Variants in ZNF804B observed in about 807,000 individuals in gnomAD.
The protein encoded by ZNF804B is zinc finger protein 804B, also known as zinc finger 804B.
A neutral mutation model predicts 101.4 loss-of-function variants in ZNF804B; 80 were observed. The ratio of observed to expected loss-of-function variants is 0.79; its 90% confidence interval spans 0.66 to 0.95. ZNF804B has a LOEUF of 0.95. Among genes scored for constraint, ZNF804B ranks in the 40% least tolerant of loss-of-function variants. ZNF804B has a pLI of 0.00. For synonymous variants in ZNF804B, 622 were observed against 558.8 expected, an observed-to-expected ratio of 1.11 and a Z score of -1.59; for missense variants, 1,673 against 1,561.9, an observed-to-expected ratio of 1.07 and a Z score of -1.20.
chr7:88,902,223 A>G (rs1792402545), intron 1 of ZNF804B, among the ~76,000 whole-genome samples: 1 of 151,990 alleles, frequency 6.6e-6, no homozygotes, highest in African/African-American at 2.4e-5. Context: ...CATGACTATT[A>G]GAATCAATTT....
intron 2 of ZNF804B, among the ~76,000 whole-genome samples, chr7:89,286,024 G>A (rs1268840736): frequency 1.3e-5 from 2 of 152,172 alleles, no homozygotes; most frequent in East Asian, 1.9e-4. Context: ...GGTTCAATCA[G>A]TGTTTTCTCC....
chr7:88,897,071 C>T (rs973089781), intron 1 of ZNF804B, among the ~76,000 whole-genome samples: 4 of 152,138 alleles, frequency 2.6e-5, no homozygotes, highest in African/African-American at 9.7e-5. Context: ...ATTACTCTTA[C>T]TGTACATAAA....
intron 2 of ZNF804B, among the ~76,000 whole-genome samples, chr7:89,325,558 C>CA (rs1790884828): frequency 6.6e-6 from 1 of 152,056 alleles, no homozygotes; most frequent in East Asian, 1.9e-4. Flanking sequence ...ACAGAATTCT[C>CA]AATCATTTCT....
chr7:88,982,636 T>A (rs1484389643), intron 1 of ZNF804B, among the ~76,000 whole-genome samples: 1 of 152,096 alleles, frequency 6.6e-6, no homozygotes, highest in Non-Finnish European at 1.5e-5. Context: ...AGCCCACCCA[T>A]GAGACCTTAT....
At chr7:89,005,680 T>C (rs1375957487) in intron 1 of ZNF804B, among the ~76,000 whole-genome samples, 2 of 152,226 alleles carry the variant, frequency 1.3e-5, no homozygotes, top group Middle Eastern at 3.4e-3. Context: ...CAAAATCTGA[T>C]AATCAATAGT....
At chr7:89,143,763 T>C (rs1790749639) in intron 1 of ZNF804B, among the ~76,000 whole-genome samples, 1 of 152,044 alleles carries the variant, frequency 6.6e-6, no homozygotes, top group African/African-American at 2.4e-5. Context: ...TAGATTCTGT[T>C]CAGAAATGCT....
chr7:88,875,918 A>C (rs4015686), intron 1 of ZNF804B, among the ~76,000 whole-genome samples: 28,397 of 152,180 alleles, frequency 0.19, 2,849 homozygotes, highest in African/African-American at 0.28. Context: ...TAAATAAAAT[A>C]CTGGCAAACC....
chr7:89,203,253 A>G (rs1788672154), intron 1 of ZNF804B, among the ~76,000 whole-genome samples: 1 of 152,172 alleles, frequency 6.6e-6, no homozygotes, highest in Admixed American at 6.5e-5. Context: ...TTTCCAGATA[A>G]TTAGGCTTTC....
At chr7:88,915,015 T>A (rs572812971) in intron 1 of ZNF804B, among the ~76,000 whole-genome samples, 4 of 152,264 alleles carry the variant, frequency 2.6e-5, no homozygotes, top group African/African-American at 9.6e-5. Context: ...TATAGCACAT[T>A]ATCTCTTCCC....
intron 1 of ZNF804B, among the ~76,000 whole-genome samples, chr7:89,010,955 C>T (rs772683210): frequency 6.6e-6 from 1 of 152,098 alleles, no homozygotes; most frequent in Non-Finnish European, 1.5e-5. Flanking sequence ...TTGATTGACT[C>T]CAAATAAAAT....
chr7:89,282,699 T>C (rs542009269), intron 2 of ZNF804B, among the ~76,000 whole-genome samples: 9 of 152,290 alleles, frequency 5.9e-5, no homozygotes, highest in African/African-American at 2.2e-4. Flanking sequence ...AAGTAAAATA[T>C]GTCCTTATAA....
intron 1 of ZNF804B, among the ~76,000 whole-genome samples, chr7:88,928,127 T>C (rs1419423971): frequency 6.6e-6 from 1 of 152,134 alleles, no homozygotes; most frequent in Admixed American, 6.6e-5. Flanking sequence ...TTCTTTCTTG[T>C]AGAATACTGT....
At chr7:88,760,266 A>G (rs1789875444) in intron 1 of ZNF804B, among the ~76,000 whole-genome samples, 182 bp downstream of exon 1, 1 of 152,256 alleles carries the variant, frequency 6.6e-6, no homozygotes, top group Non-Finnish European at 1.5e-5. Flanking sequence ...ACTGTGACAC[A>G]GAGAGGGGTG....
intron 1 of ZNF804B, among the ~76,000 whole-genome samples, chr7:89,061,192 G>A (rs1035388594): frequency 6.6e-6 from 1 of 152,002 alleles, no homozygotes; most frequent in African/African-American, 2.4e-5. Flanking sequence ...GGTTAATGTA[G>A]CCTATAAAGT....
chr7:89,330,799 G>T (rs1419954426), intron 3 of ZNF804B, among the ~76,000 whole-genome samples: 2 of 150,974 alleles, frequency 1.3e-5, no homozygotes, highest in East Asian at 1.9e-4. Flanking sequence ...AGAAGCTAGA[G>T]AACATTGTAT....
intron 2 of ZNF804B, among the ~76,000 whole-genome samples, chr7:89,268,643 C>T (rs776542527): frequency 1.6e-4 from 24 of 151,452 alleles, no homozygotes; most frequent in Admixed American, 6.6e-5. Flanking sequence ...TAATGGGATT[C>T]AACATTTTTC....
rs143651837 is a variant in ZNF804B, at chr7:88,888,958, G to T, written c.108+128874G>T. Reference sequence around the variant, plus strand: ...GCCCTCTTCCTCTCTCCTGCCTCAAGTAGTCCCCAGTGTCTGTTGTTCCCA... The same window carrying T: ...GCCCTCTTCCTCTCTCCTGCCTCAATTAGTCCCCAGTGTCTGTTGTTCCCA... On this transcript the variant is annotated intron_variant, in intron 1 of 3. Transcript: ENST00000333190. Among the ~76,000 whole-genome samples the T allele has an allele frequency of 2.1e-3, 321 of 152,224 alleles. 1 individual carries two copies. The highest frequency in any genetic ancestry group is 7.4e-3 in the African/African-American group (307 of 41,526).
chr7:88,820,851 C>A (rs1220180378), intron 1 of ZNF804B, among the ~76,000 whole-genome samples: 1 of 152,100 alleles, frequency 6.6e-6, no homozygotes, highest in Non-Finnish European at 1.5e-5. Flanking sequence ...TCCTAGGAAT[C>A]TGCATGGGAC....
At chr7:89,024,377 C>T (rs191619435) in intron 1 of ZNF804B, among the ~76,000 whole-genome samples, 163 of 152,166 alleles carry the variant, frequency 1.1e-3, no homozygotes, top group Non-Finnish European at 2.0e-3. Context: ...AGCTCACAAA[C>T]TTAGTGTTTC....
Sources: gnomAD v4.1 joint callset for allele counts (sites outside exome capture counted in the v4.1 genomes callset) on GRCh38, gnomAD v4.1.1 for gene constraint, MANE v1.5 for transcripts, NCBI Gene and HGNC (gene_info 2026-07-23, HGNC 2026-07-21) for gene names.